Variants in NBPF14 observed in about 807,000 individuals in gnomAD.
The protein encoded by NBPF14 is NBPF member 14, also known as NBPF family member NBPF14.
Under a neutral mutation model 91.2 loss-of-function variants are expected in NBPF14, and 104 were observed. That is an observed-to-expected ratio of 1.14 (90% CI 0.97 to 1.34). The LOEUF is 1.34. Ranked by LOEUF, NBPF14 falls within the 40% of genes most tolerant of loss-of-function variation. The probability of loss-of-function intolerance (pLI) is 0.00; values close to 1 mark genes in which losing one functional copy is unlikely to be tolerated. For synonymous variants in NBPF14, 294 were observed against 303.8 expected (o/e 0.97, Z 0.34); for missense variants, 908 against 783.0 (o/e 1.16, Z -1.91).
At chr1:148,580,905 C>T (rs1468745176) in intron 12 of NBPF14, among the ~76,000 whole-genome samples, 12 of 104,790 alleles carry the variant, frequency 1.1e-4, no homozygotes, top group South Asian at 7.2e-4. Context: ...ATGTGCACAA[C>T]GTGCAGGTTA....
chr1:148,591,437 G>C (rs1662462478), exon 5 of NBPF14: 1 of 1,605,886 alleles, frequency 6.2e-7, no homozygotes, highest in African/African-American at 1.3e-5. Context: ...GTTACCTGGG[G>C]GCAGATGATT....
At chr1:148,594,824 A>G (rs1417643540) in intron 2 of NBPF14, among the ~76,000 whole-genome samples, 3 of 84,854 alleles carry the variant, frequency 3.5e-5, no homozygotes, top group Non-Finnish European at 5.9e-5. Context: ...CAGCCTCCCG[A>G]TTAGTGGTGA....
At chr1:148,533,927 C>A in exon 70 of NBPF14, 1 of 741,374 alleles carries the variant, frequency 1.3e-6, no homozygotes, top group Non-Finnish European at 2.4e-6. Flanking sequence ...CTTCTTTGAT[C>A]TTCTTCCCCT....
In NBPF14 at chr1:148,539,299, T is replaced by C; in HGVS notation, c.7882+111A>G. 4 of 635,410 alleles carry C rather than the reference T, an allele frequency of 6.3e-6. 1 individual carries two copies. Among genetic ancestry groups the C allele is most frequent in the Non-Finnish European group, 1.1e-5 (4 of 360,014 alleles). The allele number at this position is 635,410 out of a possible 1,614,324, so 39.4% of individuals were successfully genotyped here. On this transcript the variant is annotated intron_variant, in intron 63 of 70. Transcript: ENST00000619423. ...ACAACCTATATGCGCCCATAGGTCC[T>C]GACTGCGGCAATGACGTCTCTCGGG...
rs1184575767 is a variant in NBPF14, at chr1:148,577,543, GACACACACACAC to G, written c.1854-200_1854-189del. 2.2e-3 allele frequency among the ~76,000 whole-genome samples: 315 copies of G among 141,242 alleles called. 1 individual carries two copies. The highest frequency in any genetic ancestry group is 3.9e-3 in the Admixed American group (56 of 14,422). 92.7% of individuals were successfully genotyped at this position (141,242 alleles called of 152,430 possible). A position where few individuals can be genotyped will look rare whatever the true frequency, so the allele number is the denominator to read the frequency against. The stretch of plus-strand genomic sequence containing the variant: ...CAGGTAGAAAAGGATGAACGAGAAA[GACACACACACAC>G]ACACACACACACACACACACACTCA... On this transcript the variant is annotated intron_variant, in intron 14 of 70. Transcript: ENST00000619423.
At chr1:148,585,257 G>GC (rs1661317571) in intron 9 of NBPF14, 44 bp from the exon 10 acceptor site, 1 of 1,573,454 alleles carries the variant, frequency 6.4e-7, no homozygotes, top group African/African-American at 1.3e-5. Context: ...CCACTTCACA[G>GC]TCTGCAAGCA....
At chr1:148,587,710 TC>T (rs1661782614) in intron 7 of NBPF14, among the ~76,000 whole-genome samples, 1 of 140,582 alleles carries the variant, frequency 7.1e-6, no homozygotes, top group East Asian at 2.0e-4. Context: ...GGGGCCACTT[TC>T]CCAAGCCTTG....
chr1:148,593,336 C>G (rs1662809221), intron 3 of NBPF14, among the ~76,000 whole-genome samples: 1 of 148,808 alleles, frequency 6.7e-6, no homozygotes, highest in African/African-American at 2.4e-5. Context: ...GTTCCCACTC[C>G]TTTGGTGAAT....
At chr1:148,559,951 A>T (rs1657412378) in exon 37 of NBPF14, 2 of 1,376,788 alleles carry the variant, frequency 1.5e-6, no homozygotes, top group African/African-American at 2.0e-5. Flanking sequence ...CTCATGCAGC[A>T]GCTCCCTGCT....
rs1156330530 is a variant in NBPF14 at position 148,591,514 on chromosome 1, C to G, written c.494-10G>C. The G allele has an allele frequency of 6.2e-7, 1 of 1,610,094 alleles. No homozygotes were observed. The highest frequency in any genetic ancestry group is 1.3e-5 in the African/African-American group (1 of 74,820). On this transcript the variant is annotated splice_polypyrimidine_tract_variant and intron_variant, in intron 4 of 70. Coordinates refer to ENST00000619423, the Ensembl canonical transcript of NBPF14. ...TCATCTTCGTCATTTTCTAGAAATACAAAATGTTCGTTCAGATATTTCCCA... is the reference window on the plus strand; with the variant it reads ...TCATCTTCGTCATTTTCTAGAAATAGAAAATGTTCGTTCAGATATTTCCCA...
At position 148,559,621 on chromosome 1, in the gene NBPF14, C is replaced by T. The variant is rs1423243659; in HGVS notation, c.4729+172G>A. The stretch of plus-strand genomic sequence containing the variant: ...AAGAGAGCCTTGCTCACTGACCCAT[C>T]CCTTGTCTGGGCTTCCAAGTGGAAC... On this transcript the variant is annotated intron_variant, in intron 37 of 70. Transcript: ENST00000619423. Among the ~76,000 whole-genome samples the T allele has an allele frequency of 3.0e-4, 37 of 125,160 alleles. 2 individuals carry two copies. The highest frequency in any genetic ancestry group is 2.7e-3 in the Admixed American group (35 of 12,732). The allele number at this position is 125,160 out of a possible 152,430, so 82.1% of individuals were successfully genotyped here.
chr1:148,566,629 C>T (rs1658469151), intron 28 of NBPF14, among the ~76,000 whole-genome samples: 1 of 139,936 alleles, frequency 7.1e-6, no homozygotes, highest in Non-Finnish European at 1.6e-5. Context: ...TGAGTTAGTG[C>T]CCTCAGGACA....
At chr1:148,585,009 G>C in intron 10 of NBPF14, 132 bp downstream of exon 10, 1 of 843,888 alleles carries the variant, frequency 1.2e-6, no homozygotes, top group East Asian at 2.4e-5. Context: ...TGTCTAAGCT[G>C]GATTATATTT....
At chr1:148,534,434 C>A (rs1405932538) in intron 69 of NBPF14, among the ~76,000 whole-genome samples, 1 of 151,678 alleles carries the variant, frequency 6.6e-6, no homozygotes, top group Non-Finnish European at 1.5e-5. Flanking sequence ...TGCCCAGGTC[C>A]AATGTCATGA....
chr1:148,566,542 AACAC>A (rs1183408341), intron 28 of NBPF14, among the ~76,000 whole-genome samples: 2 of 90,936 alleles, frequency 2.2e-5, no homozygotes, highest in Admixed American at 1.0e-4. Flanking sequence ...CACACACACA[AACAC>A]ACACACACAC....
chr1:148,587,495 G>A (rs1661742636), intron 7 of NBPF14, 92 bp from the exon 8 acceptor site: 4 of 1,254,314 alleles, frequency 3.2e-6, no homozygotes, highest in Non-Finnish European at 4.6e-6. Context: ...CCATCCCAAG[G>A]ACAAAACTCT....
intron 37 of NBPF14, among the ~76,000 whole-genome samples, 170 bp from the exon 38 acceptor site, chr1:148,559,242 T>C (rs1657137410): frequency 8.8e-6 from 1 of 113,056 alleles, no homozygotes; most frequent in East Asian, 3.0e-4. Flanking sequence ...TAGAGATTCC[T>C]TGGTTTTTGT....
At chr1:148,561,528 T>C in exon 35 of NBPF14, 1 of 357,378 alleles carries the variant, frequency 2.8e-6, no homozygotes, top group South Asian at 2.9e-5. Flanking sequence ...ATCTATCCAG[T>C]GAGTCCTGCA....
rs1488889063 is a variant in NBPF14 at position 148,534,126 on chromosome 1, A to G, written c.8615-157T>C. On this transcript the variant is annotated intron_variant, in intron 69 of 70. Transcript: ENST00000619423. ...TCAGGAGGCCTGAAGGCTGGTCATG[A>G]TAGAAATTCCTCGGTTTTTCTCCCA... Among the ~76,000 whole-genome samples, 4 of 146,864 alleles carry G rather than the reference A, an allele frequency of 2.7e-5. No individual in the cohort carries two copies. The East Asian group carries it at 7.9e-4, about 29-fold the overall frequency.
Sources: gnomAD v4.1 joint callset for allele counts (sites outside exome capture counted in the v4.1 genomes callset) on GRCh38, gnomAD v4.1.1 for gene constraint, MANE v1.5 for transcripts, NCBI Gene and HGNC (gene_info 2026-07-23, HGNC 2026-07-21) for gene names.